MYRIP: variants seen among roughly 807,000 people sequenced by gnomAD.
MYRIP encodes the protein myosin VIIA and Rab interacting protein.
MYRIP carries 49 observed loss-of-function variants against 98.0 expected under a neutral mutation model. That is an observed-to-expected ratio of 0.50 (90% CI 0.40 to 0.63). MYRIP has a LOEUF of 0.63. Ranked by LOEUF, MYRIP falls within the 30% of genes least tolerant of loss-of-function variation. The pLI, the probability that MYRIP is intolerant of heterozygous loss-of-function variation, is 0.00. For synonymous variants in MYRIP, 404 were observed against 409.5 expected (o/e 0.99, Z 0.16); for missense variants, 1,004 against 1,058.2 (o/e 0.95, Z 0.71).
chr3:40,230,759 G>A (rs1183687019), intron 11 of MYRIP, among the ~76,000 whole-genome samples: 2 of 152,062 alleles, frequency 1.3e-5, no homozygotes, highest in African/African-American at 4.8e-5. Flanking sequence ...AGCAAAATGG[G>A]GACATCAACC....
intron 3 of MYRIP, among the ~76,000 whole-genome samples, chr3:40,134,606 C>A (rs1464533890): frequency 6.6e-6 from 1 of 152,298 alleles, no homozygotes; most frequent in South Asian, 2.1e-4. Flanking sequence ...CCCTGACCCC[C>A]GAGTAGCCTA....
chr3:40,101,155 C>T (rs1284890554), intron 3 of MYRIP, among the ~76,000 whole-genome samples: 1 of 152,076 alleles, frequency 6.6e-6, no homozygotes, highest in Admixed American at 6.6e-5. Context: ...GTTTTGTTTT[C>T]AACACCTCCA....
intron 1 of MYRIP, among the ~76,000 whole-genome samples, chr3:39,816,960 A>G (rs1940938201): frequency 1.3e-5 from 2 of 152,240 alleles, no homozygotes; most frequent in African/African-American, 4.8e-5. Flanking sequence ...ACATTCATTA[A>G]TGAATTGCCC....
chr3:40,083,908 T>G (rs1263607479), intron 3 of MYRIP, among the ~76,000 whole-genome samples: 1 of 151,638 alleles, frequency 6.6e-6, no homozygotes, highest in Non-Finnish European at 1.5e-5. Flanking sequence ...GAGGCCAAGG[T>G]GGGCGGATTA....
At chr3:40,167,126 C>A (rs375052041) in intron 6 of MYRIP, 33 bp from the exon 7 acceptor site, 17 of 1,607,722 alleles carry the variant, frequency 1.1e-5, no homozygotes, top group African/African-American at 6.7e-5. Context: ...CCAAATCCAC[C>A]CACAGCACAC....
chr3:39,889,358 G>C lies in MYRIP; in HGVS notation c.-30-11429G>C, dbSNP rs541111467. On this transcript the variant is annotated intron_variant, in intron 1 of 16. Coordinates refer to ENST00000302541, the MANE Select transcript of MYRIP (RefSeq NM_015460.4). ...GGAATATTATGCAGCCATAAAAAAT[G>C]ATGAGTTCATGTCCTTTATAGGGAC... 9.2e-3 allele frequency among the ~76,000 whole-genome samples: 1,393 copies of C among 152,218 alleles called. 26 individuals are homozygous for C. The highest frequency in any genetic ancestry group is 0.032 in the African/African-American group (1,318 of 41,528).
At chr3:39,987,335 T>C (rs1946055467) in intron 2 of MYRIP, among the ~76,000 whole-genome samples, 1 of 152,194 alleles carries the variant, frequency 6.6e-6, no homozygotes, top group Non-Finnish European at 1.5e-5. Context: ...AACGACGTGA[T>C]GTCATTCCTT....
At chr3:40,138,773 A>T (rs148261981) in intron 3 of MYRIP, among the ~76,000 whole-genome samples, 1 of 152,224 alleles carries the variant, frequency 6.6e-6, no homozygotes, top group Non-Finnish European at 1.5e-5. Flanking sequence ...CATAGCTACC[A>T]TCTCAAACAT....
chr3:40,141,096 T>C (rs970443320), intron 3 of MYRIP, among the ~76,000 whole-genome samples: 11 of 152,126 alleles, frequency 7.2e-5, no homozygotes, highest in African/African-American at 2.7e-4. Context: ...TAACCATCCT[T>C]CTACACTCTA....
chr3:40,208,661 T>C (rs1951843441), intron 10 of MYRIP, among the ~76,000 whole-genome samples: 1 of 152,220 alleles, frequency 6.6e-6, no homozygotes, highest in Admixed American at 6.5e-5. Context: ...GCCTAGAATA[T>C]TGTTCTTCCC....
chr3:39,967,046 G>A (rs1258033729), intron 2 of MYRIP, among the ~76,000 whole-genome samples: 1 of 152,192 alleles, frequency 6.6e-6, no homozygotes, highest in African/African-American at 2.4e-5. Context: ...TTAAAATAAT[G>A]TAACCATAGT....
At chr3:39,930,475 T>C (rs1944510179) in intron 2 of MYRIP, among the ~76,000 whole-genome samples, 1 of 152,064 alleles carries the variant, frequency 6.6e-6, no homozygotes, top group African/African-American at 2.4e-5. Context: ...TTGTGAGTAT[T>C]TTCTCCCATT....
At chr3:39,996,273 G>A (rs986284372) in intron 2 of MYRIP, among the ~76,000 whole-genome samples, 9 of 152,246 alleles carry the variant, frequency 5.9e-5, no homozygotes, top group East Asian at 5.8e-4. Context: ...TCTGTGTGCT[G>A]TATTCAGGAA....
At chr3:39,845,028 A>G (rs916729735) in intron 1 of MYRIP, among the ~76,000 whole-genome samples, 2 of 152,182 alleles carry the variant, frequency 1.3e-5, no homozygotes, top group Non-Finnish European at 2.9e-5. Context: ...TATGTGCTGT[A>G]TGTCATCTCC....
At chr3:40,242,711 G>A (rs1009831840) in intron 12 of MYRIP, among the ~76,000 whole-genome samples, 24 of 152,212 alleles carry the variant, frequency 1.6e-4, no homozygotes, top group Middle Eastern at 3.4e-3. Flanking sequence ...TTGTCTCATT[G>A]TGTAAAACTG....
At chr3:40,205,620 A>G (rs1358594203) in intron 10 of MYRIP, among the ~76,000 whole-genome samples, 9 of 152,142 alleles carry the variant, frequency 5.9e-5, no homozygotes, top group Non-Finnish European at 1.2e-4. Context: ...CAGTTTGCCC[A>G]TAAGGAATTT....
chr3:40,157,914 T>G (rs960130550), intron 4 of MYRIP, among the ~76,000 whole-genome samples: 1 of 152,200 alleles, frequency 6.6e-6, no homozygotes, highest in Admixed American at 6.5e-5. Flanking sequence ...TGCTAGCGAT[T>G]TATCAGTTTT....
In MYRIP at chr3:40,190,091, T is replaced by C; in HGVS notation, c.1293T>C (p.Ser431=). 1 of 1,613,980 alleles carries C rather than the reference T, an allele frequency of 6.2e-7. No individual in the cohort carries two copies. The highest frequency in any genetic ancestry group is 8.5e-7 in the Non-Finnish European group (1 of 1,179,938). ...PQPQPTQAQS[S]DQGPIAASPS... ...CTCAGCCCACACAGGCCCAGAGCTC[T>C]GACCAAGGCCCCATAGCTGCCTCCC... is the stretch of plus-strand genomic sequence containing the variant. The change falls in exon 10 of 17, where the codon TCT becomes TCC. Residue 431 remains serine (S), a synonymous_variant. Transcript: ENST00000302541.
chr3:40,006,159 A>G (rs944536135), intron 2 of MYRIP, among the ~76,000 whole-genome samples: 15 of 152,230 alleles, frequency 9.9e-5, no homozygotes, highest in Non-Finnish European at 1.5e-5. Context: ...GTGAGTTCCT[A>G]TTACACCCAG....
Sources: gnomAD v4.1 joint callset for allele counts (sites outside exome capture counted in the v4.1 genomes callset) on GRCh38, gnomAD v4.1.1 for gene constraint, MANE v1.5 for transcripts, NCBI Gene and HGNC (gene_info 2026-07-23, HGNC 2026-07-21) for gene names.